The following CERK variants were observed in gnomAD, a reference collection of about 807,000 sequenced individuals.
CERK encodes acylsphingosine kinase.
A neutral mutation model predicts 63.4 loss-of-function variants in CERK; 39 were observed. That is an observed-to-expected ratio of 0.61 (90% confidence interval 0.48 to 0.80). The LOEUF is 0.80. Among genes scored for constraint, CERK ranks in the 30% least tolerant of loss-of-function variants. The pLI, the probability that CERK is intolerant of heterozygous loss-of-function variation, is 0.00. For synonymous variants in CERK, 302 were observed against 280.0 expected, an observed-to-expected ratio of 1.08 and a Z score of -0.78; for missense variants, 670 against 714.1, an observed-to-expected ratio of 0.94 and a Z score of 0.70.
chr22:46,729,151 C>T (rs1245421313), intron 1 of CERK, among the ~76,000 whole-genome samples: 2 of 152,088 alleles, frequency 1.3e-5, no homozygotes, highest in Non-Finnish European at 2.9e-5. Flanking sequence ...CTGCTTGAGG[C>T]CAGAAGATTG....
chr22:46,692,925 GAAGAGA>G (rs2082738780), intron 10 of CERK, among the ~76,000 whole-genome samples: 1 of 132,568 alleles, frequency 7.5e-6, no homozygotes, highest in Admixed American at 7.6e-5. Context: ...AAAAAAAAAA[GAAGAGA>G]AAGAGAAAAA....
rs955507371 is a variant in CERK at position 46,714,951 on chromosome 22, C to T, written c.380-2658G>A. Among the ~76,000 whole-genome samples the T allele has an allele frequency of 6.7e-6, 1 of 149,614 alleles. No individual in the cohort carries two copies. Among genetic ancestry groups the T allele is most frequent in the Non-Finnish European group, 1.5e-5 (1 of 67,690 alleles). ...AGGTTTGTTTACTCCAGGACTGCAA[C>T]AATGAGAAATTAATGTAACTCAACA... On this transcript the variant is annotated intron_variant, in intron 3 of 12. Coordinates refer to ENST00000216264, the MANE Select transcript of CERK (RefSeq NM_022766.6). The surrounding 1 kb of genome is among the most constrained non-coding windows in gnomAD (Gnocchi z 4.4).
At chr22:46,689,700 G>A (rs2082720374) in intron 12 of CERK, among the ~76,000 whole-genome samples, 1 of 152,190 alleles carries the variant, frequency 6.6e-6, no homozygotes, top group Admixed American at 6.6e-5. Flanking sequence ...CCAGCCTGGA[G>A]CACAGGGTGT....
In CERK at chr22:46,714,472, A is replaced by T. The variant is rs1038023608; in HGVS notation, c.380-2179T>A. On this transcript the variant is annotated intron_variant, in intron 3 of 12. Coordinates refer to ENST00000216264, the MANE Select transcript of CERK (RefSeq NM_022766.6). The surrounding 1 kb of genome is among the most constrained non-coding windows in gnomAD (Gnocchi z 4.4). ...TTCTACCAATATTACAAAGAAAATG[A>T]AAGAATTTACTAATAAGTTCATGCT... Among the ~76,000 whole-genome samples, 14 of 152,226 alleles carry T rather than the reference A, an allele frequency of 9.2e-5. No individual in the cohort carries two copies. Among genetic ancestry groups the T allele is most frequent in the African/African-American group, 3.4e-4 (14 of 41,460 alleles).
At chr22:46,704,221 A>C (rs2082802464) in intron 6 of CERK, among the ~76,000 whole-genome samples, 1 of 152,166 alleles carries the variant, frequency 6.6e-6, no homozygotes, top group South Asian at 2.1e-4. Context: ...CACCCTGACC[A>C]TGGTGAAGTG....
At position 46,691,601 on chromosome 22, in the gene CERK, G is replaced by T. The variant is rs1399819502; in HGVS notation, c.1303C>A (p.Leu435Ile). The T allele has an allele frequency of 6.2e-7, 1 of 1,613,920 alleles. No individual in the cohort carries two copies. Among genetic ancestry groups the T allele is most frequent in the South Asian group, 1.1e-5 (1 of 91,050 alleles). Reference sequence around the variant, plus strand: ...TCCTGCTGGTTGGTGTGCCTGATGAGAAATCTCAGAAAATTGAACCTGGAG... The same window carrying T: ...TCCTGCTGGTTGGTGTGCCTGATGATAAATCTCAGAAAATTGAACCTGGAG... ...KCSRFNFLRF[L>I]IRHTNQQDQF... The change falls in exon 11 of 13, where the codon CTC (leucine) becomes ATC (isoleucine). Residue 435 changes from leucine to isoleucine, a missense_variant. By Grantham distance (5) the Leu-to-Ile change is conservative. Coordinates refer to ENST00000216264, the MANE Select transcript of CERK (RefSeq NM_022766.6).
At chr22:46,712,082 G>T in intron 4 of CERK, 86 bp downstream of exon 4, 2 of 1,482,256 alleles carry the variant, frequency 1.3e-6, no homozygotes, top group Non-Finnish European at 1.9e-6. Flanking sequence ...GTGAGACACC[G>T]TCTAGAAAAA....
intron 3 of CERK, among the ~76,000 whole-genome samples, chr22:46,717,482 G>A (rs1055709894): frequency 6.6e-6 from 1 of 152,374 alleles, no homozygotes; most frequent in South Asian, 2.1e-4. Flanking sequence ...GCGAGAGCGT[G>A]GAAAATTTAT....
At chr22:46,691,811 T>TA in intron 10 of CERK, 34 bp from the exon 11 acceptor site, 2 of 1,581,110 alleles carry the variant, frequency 1.3e-6, no homozygotes, top group Non-Finnish European at 1.7e-6. Flanking sequence ...ATGTCACAGT[T>TA]ACAATGGCGC....
chr22:46,715,225 CCT>C (rs2082860770), intron 3 of CERK, among the ~76,000 whole-genome samples: 1 of 152,040 alleles, frequency 6.6e-6, no homozygotes, highest in Admixed American at 6.6e-5. Context: ...TGCTAGCACC[CCT>C]GTGTTGGTCC....
intron 6 of CERK, among the ~76,000 whole-genome samples, chr22:46,707,545 C>A (rs772851863): frequency 7.9e-5 from 12 of 152,210 alleles, no homozygotes; most frequent in Non-Finnish European, 1.5e-4. Flanking sequence ...AACCTACCCA[C>A]CTGCTCCCGG....
chr22:46,711,174 A>G, intron 4 of CERK, 25 bp from the exon 5 acceptor site: 27 of 1,580,262 alleles, frequency 1.7e-5, no homozygotes, highest in Non-Finnish European at 2.3e-5. Flanking sequence ...TACATCACAC[A>G]GTTTATATTC....
chr22:46,724,891 G>C (rs2082910643), intron 1 of CERK, among the ~76,000 whole-genome samples: 1 of 152,076 alleles, frequency 6.6e-6, no homozygotes, highest in Non-Finnish European at 1.5e-5. Context: ...TGTGGTGGCG[G>C]GCACCTGTAG....
chr22:46,705,241 CAG>C (rs948169610), intron 6 of CERK, among the ~76,000 whole-genome samples: 11 of 152,214 alleles, frequency 7.2e-5, no homozygotes, highest in African/African-American at 2.4e-4. Context: ...GTGGAAGATG[CAG>C]AGAGAGTATG....
Position 46,702,137 on chromosome 22 carries a change from C to T in CERK, c.716-427G>A, listed in dbSNP as rs150237331. ...CAAAGGCTGCAGTGAGTCGAGATCG[C>T]GCCACTATCCAGCCTGGGCAACAGA... On this transcript the variant is annotated intron_variant, in intron 6 of 12. Transcript: ENST00000216264. Among the ~76,000 whole-genome samples, 494 of 142,694 alleles carry T rather than the reference C, an allele frequency of 3.5e-3. 1 individual carries two copies. The highest frequency in any genetic ancestry group is 5.6e-3 in the Non-Finnish European group (374 of 66,712). 93.6% of individuals were successfully genotyped at this position (142,694 alleles called of 152,430 possible).
chr22:46,730,525 G>A (rs923338361), intron 1 of CERK, among the ~76,000 whole-genome samples: 1 of 152,190 alleles, frequency 6.6e-6, no homozygotes, highest in East Asian at 1.9e-4. Context: ...TCACCAGATA[G>A]GCTTAGCAGC....
chr22:46,729,937 G>A (rs1452451648), intron 1 of CERK, among the ~76,000 whole-genome samples: 1 of 152,004 alleles, frequency 6.6e-6, no homozygotes, highest in Non-Finnish European at 1.5e-5. Flanking sequence ...TACTCAGGAG[G>A]CTGAGGCAGG....
At chr22:46,726,932 G>GGCT (rs1012798513) in intron 1 of CERK, among the ~76,000 whole-genome samples, 1 of 152,190 alleles carries the variant, frequency 6.6e-6, no homozygotes, top group Admixed American at 6.5e-5. Flanking sequence ...CCTCCGCTGC[G>GGCT]GCTGCTGCTG....
chr22:46,721,603 C>A (rs542582669), intron 1 of CERK, among the ~76,000 whole-genome samples: 6 of 152,250 alleles, frequency 3.9e-5, no homozygotes, highest in Non-Finnish European at 5.9e-5. Flanking sequence ...CAAATGCGGA[C>A]CATTCCGGGC....
Sources: gnomAD v4.1 joint callset for allele counts (sites outside exome capture counted in the v4.1 genomes callset) on GRCh38, gnomAD v4.1.1 for gene constraint, Gnocchi (gnomAD v3.1) non-coding constraint, MANE v1.5 for transcripts, NCBI Gene and HGNC (gene_info 2026-07-23, HGNC 2026-07-21) for gene names.